MTF1: variants seen among roughly 807,000 people sequenced by gnomAD.
MTF1 encodes the protein MRE-binding transcription factor.
A neutral mutation model predicts 70.4 loss-of-function variants in MTF1; 22 were observed. That is an observed-to-expected ratio of 0.31 (90% CI 0.22 to 0.45). MTF1 has a LOEUF of 0.45. Ranked by LOEUF, MTF1 falls within the 20% of genes least tolerant of loss-of-function variation. The pLI, the probability that MTF1 is intolerant of heterozygous loss-of-function variation, is 1.00. For synonymous variants in MTF1, 333 were observed against 352.8 expected (o/e 0.94, Z 0.63); for missense variants, 649 against 922.0 (o/e 0.70, Z 3.83).
In MTF1 at chr1:37,812,210, A is replaced by C. The variant is rs1640749530; in HGVS notation, c.*2926T>G. ...CCTAGGTTCATTTCCCAAGTTTGGGAAACCACACTCACCATGAAGGTTCTT... is the reference window on the plus strand; with the variant it reads ...CCTAGGTTCATTTCCCAAGTTTGGGCAACCACACTCACCATGAAGGTTCTT... On this transcript the variant is annotated 3_prime_UTR_variant, in exon 11 of 11. Coordinates refer to ENST00000373036, the MANE Select transcript of MTF1 (RefSeq NM_005955.3). 1 of 152,186 alleles carries C rather than the reference A, an allele frequency of 6.6e-6. No individual in the cohort carries two copies. The highest frequency in any genetic ancestry group is 6.5e-5 in the Admixed American group (1 of 15,270). 9.4% of individuals were successfully genotyped at this position (152,186 alleles called of 1,614,324 possible).
intron 7 of MTF1, among the ~76,000 whole-genome samples, chr1:37,831,855 G>A (rs897650172): frequency 1.3e-5 from 2 of 152,206 alleles, no homozygotes; most frequent in Non-Finnish European, 2.9e-5. Flanking sequence ...GATAGGATTT[G>A]AGAAAGTCCA....
At chr1:37,827,378 GAC>G (rs1641019016) in intron 7 of MTF1, among the ~76,000 whole-genome samples, 4 of 141,768 alleles carry the variant, frequency 2.8e-5, no homozygotes, top group African/African-American at 1.1e-4. Flanking sequence ...TATTATTTGA[GAC>G]AGAGTCTCGC....
chr1:37,824,422 G>A (rs1640969978), intron 7 of MTF1, among the ~76,000 whole-genome samples: 1 of 152,218 alleles, frequency 6.6e-6, no homozygotes, highest in Non-Finnish European at 1.5e-5. Flanking sequence ...TACAGGCCAG[G>A]TGTGGTGGCT....
rs948918089 is a variant in MTF1, at chr1:37,815,464, C to T, written c.1934G>A (p.Arg645Gln). ...QCACRDSAKERASSRRKGCSS... is the reference protein window; with the variant it reads ...QCACRDSAKEQASSRRKGCSS... ...GCAGCCCTTTCTCCTGCTGGATGCC[C>T]GCTCCTTTGCAGAGTCCCGGCATGC... Residue 645 changes from arginine to glutamine, a missense_variant, in exon 11 of 11, where the codon CGG (arginine) becomes CAG (glutamine). Around this residue, in one of 7 missense-constraint regions of MTF1, gnomAD observed 138 missense variants for 134.4 expected, o/e 1.03. Coordinates refer to ENST00000373036, the MANE Select transcript of MTF1 (RefSeq NM_005955.3). The surrounding 1 kb of genome is among the most constrained non-coding windows in gnomAD (Gnocchi z 4.5). 20 of 1,603,928 alleles carry T rather than the reference C, an allele frequency of 1.2e-5. No individual in the cohort carries two copies. Among genetic ancestry groups the T allele is most frequent in the Non-Finnish European group, 1.5e-5 (18 of 1,174,918 alleles).
chr1:37,849,296 C>T (rs1641379143), intron 2 of MTF1, among the ~76,000 whole-genome samples: 1 of 152,084 alleles, frequency 6.6e-6, no homozygotes, highest in Non-Finnish European at 1.5e-5. Flanking sequence ...CCTAGTGGCA[C>T]ATGCCTGTAA....
At chr1:37,833,573 C>T (rs1201975890) in intron 6 of MTF1, among the ~76,000 whole-genome samples, 6 of 152,122 alleles carry the variant, frequency 3.9e-5, no homozygotes, top group South Asian at 4.1e-4. Context: ...TATTAGACAC[C>T]GTTCCAGACC....
intron 2 of MTF1, among the ~76,000 whole-genome samples, chr1:37,850,994 A>G (rs1330036177): frequency 1.3e-5 from 2 of 152,218 alleles, no homozygotes; most frequent in Non-Finnish European, 2.9e-5. Flanking sequence ...AGGAAGAGCT[A>G]AAGGATCATG....
chr1:37,837,531 A>G (rs1641188420), intron 4 of MTF1, among the ~76,000 whole-genome samples: 1 of 151,924 alleles, frequency 6.6e-6, no homozygotes, highest in Non-Finnish European at 1.5e-5. Context: ...TTTGAGACAG[A>G]GTCTCACTCT....
intron 2 of MTF1, among the ~76,000 whole-genome samples, chr1:37,853,322 C>CTA (rs1336928322): frequency 6.6e-6 from 1 of 152,220 alleles, no homozygotes; most frequent in Non-Finnish European, 1.5e-5. Flanking sequence ...ATCTTTCCAT[C>CTA]CTTATCTCCT....
In MTF1 at chr1:37,817,575, G is replaced by A. The variant is rs1195615841; in HGVS notation, c.1768-93C>T. 16 of 866,628 alleles carry A rather than the reference G, an allele frequency of 1.8e-5. No individual in the cohort carries two copies. In the Admixed American group the frequency reaches 3.1e-4, roughly 17 times the overall value. 53.7% of individuals were successfully genotyped at this position (866,628 alleles called of 1,614,324 possible). A position where few individuals can be genotyped will look rare whatever the true frequency, so the allele number is the denominator to read the frequency against. ...CTCACCAACTGTAATGGTCATCCAA[G>A]AAGACAGAAAACCCTTAGTGTTCAG... On this transcript the variant is annotated intron_variant, in intron 9 of 10. Transcript: ENST00000373036.
chr1:37,821,642 G>A (rs1284930233), intron 9 of MTF1, among the ~76,000 whole-genome samples: 1 of 152,082 alleles, frequency 6.6e-6, no homozygotes, highest in East Asian at 1.9e-4. Flanking sequence ...CATTTCCCTA[G>A]TCATCAAGAC....
intron 2 of MTF1, among the ~76,000 whole-genome samples, chr1:37,854,000 G>A (rs1641454307): frequency 6.6e-6 from 1 of 152,100 alleles, no homozygotes; most frequent in Non-Finnish European, 1.5e-5. Flanking sequence ...ATTTCATAGG[G>A]AGATATTTTT....
At chr1:37,838,344 A>G (rs916921451) in intron 4 of MTF1, among the ~76,000 whole-genome samples, 2 of 152,162 alleles carry the variant, frequency 1.3e-5, no homozygotes, top group African/African-American at 4.8e-5. Flanking sequence ...AGCACTAATA[A>G]AAGTACCCAC....
chr1:37,822,833 A>C, intron 8 of MTF1, 117 bp from the exon 9 acceptor site: 2 of 679,938 alleles, frequency 2.9e-6, no homozygotes, highest in Non-Finnish European at 4.9e-6. Flanking sequence ...TGATCTCTTC[A>C]TAGCTAGCAG....
chr1:37,848,266 T>G (rs1277404669), intron 2 of MTF1, among the ~76,000 whole-genome samples: 1 of 152,222 alleles, frequency 6.6e-6, no homozygotes, highest in Admixed American at 6.5e-5. Flanking sequence ...CACCAGACAC[T>G]ATGCTAAATG....
chr1:37,858,551 A>G (rs1641537871), intron 1 of MTF1: 1 of 152,234 alleles, frequency 6.6e-6, no homozygotes. Flanking sequence ...CAAACAACGA[A>G]GATCACTGTA....
intron 9 of MTF1, among the ~76,000 whole-genome samples, chr1:37,819,370 C>T (rs1179363872): frequency 6.6e-6 from 1 of 152,214 alleles, no homozygotes; most frequent in Non-Finnish European, 1.5e-5. Flanking sequence ...CGCCTGTAAT[C>T]CCAGCACTTT....
rs1371354663 is a variant in MTF1 at position 37,813,777 on chromosome 1, T to C, written c.*1359A>G. 4 of 152,518 alleles carry C rather than the reference T, an allele frequency of 2.6e-5. No homozygotes were observed. The highest frequency in any genetic ancestry group is 6.5e-5 in the Admixed American group (1 of 15,284). The allele number at this position is 152,518 out of a possible 1,614,324, so 9.4% of individuals were successfully genotyped here. ...TGTTGAGGGAAACTTTTCATGCTAG[T>C]ATGGATTGTATCTTTTATTTTAAGA... On this transcript the variant is annotated 3_prime_UTR_variant, in exon 11 of 11. Transcript: ENST00000373036.
chr1:37,846,482 G>A (rs879663663), intron 2 of MTF1, among the ~76,000 whole-genome samples: 26 of 151,686 alleles, frequency 1.7e-4, no homozygotes, highest in African/African-American at 5.1e-4. Context: ...AACAGCTGTC[G>A]ATTACCCTGT....
Sources: allele counts gnomAD v4.1 joint callset (sites outside exome capture counted in the v4.1 genomes callset), GRCh38; gene constraint gnomAD v4.1.1; regional missense constraint gnomAD v4.1.1; non-coding constraint Gnocchi (gnomAD v3.1); transcripts MANE v1.5; gene names NCBI Gene and HGNC (gene_info 2026-07-23, HGNC 2026-07-21).